The following ARL6IP1 variants were observed in gnomAD, a reference collection of about 807,000 sequenced individuals.
ARL6IP1 encodes ARL6 interacting reticulophagy regulator 1, also known as ADP-ribosylation factor-like protein 6-interacting protein 1.
In ARL6IP1, 16 loss-of-function variants were observed where a neutral mutation model predicts 30.1. The observed-to-expected ratio is 0.53, with a 90% confidence interval of 0.36 to 0.81. The LOEUF (loss-of-function observed/expected upper bound fraction) is 0.81, where lower values mean the gene tolerates loss of function less well. Ranked by LOEUF, ARL6IP1 falls within the 30% of genes least tolerant of loss-of-function variation. The pLI is 0.01. For missense variants in ARL6IP1, 173 were observed against 242.7 expected, an observed-to-expected ratio of 0.71 and a Z score of 1.91; for synonymous variants, 72 against 84.8, an observed-to-expected ratio of 0.85 and a Z score of 0.83.
chr16:18,799,971 C>G (rs975315731), intron 1 of ARL6IP1, among the ~76,000 whole-genome samples: 1 of 152,016 alleles, frequency 6.6e-6, no homozygotes, highest in African/African-American at 2.4e-5. Flanking sequence ...CTTGGCGGGT[C>G]GGGGGGGATT....
intron 1 of ARL6IP1, among the ~76,000 whole-genome samples, chr16:18,800,527 T>C (rs778070190): frequency 6.6e-6 from 1 of 152,312 alleles, no homozygotes; most frequent in African/African-American, 2.4e-5. Context: ...AAACCATGCA[T>C]TTCTAAAAGC....
Position 18,793,346 on chromosome 16 carries a change from C to A in ARL6IP1, c.518G>T (p.Gly173Val). The change falls in exon 6 of 6, where the codon GGA (glycine) becomes GTA (valine). Residue 173 changes from glycine to valine, a missense_variant. Transcript: ENST00000304414. ...CAAAATGATTCCATGTTGGTTTAGT[C>A]CAGGAAGCAATAGTAAGGAAGTCAC... is the stretch of plus-strand genomic sequence containing the variant. ...LIVTSLLLLPGLNQHGIILKY... is the reference protein window; with the variant it reads ...LIVTSLLLLPVLNQHGIILKY... The A allele has an allele frequency of 6.2e-7, 1 of 1,610,748 alleles. No individual in the cohort carries two copies. The highest frequency in any genetic ancestry group is 8.5e-7 in the Non-Finnish European group (1 of 1,178,608).
At chr16:18,801,064 G>T in intron 1 of ARL6IP1, 1 of 664,290 alleles carries the variant, frequency 1.5e-6, no homozygotes, top group Non-Finnish European at 2.0e-6. Context: ...TAAGATCAAA[G>T]ACGGGGAAAG....
At chr16:18,795,649 C>A in intron 3 of ARL6IP1, 68 bp from the exon 4 acceptor site, 1 of 962,144 alleles carries the variant, frequency 1.0e-6, no homozygotes, top group South Asian at 1.4e-5. Flanking sequence ...ACACCCTGTT[C>A]AATTTAAGAG....
intron 5 of ARL6IP1, among the ~76,000 whole-genome samples, chr16:18,793,863 T>G (rs899742532): frequency 6.6e-6 from 1 of 152,192 alleles, no homozygotes; most frequent in Admixed American, 6.5e-5. Context: ...TACAGGTGCC[T>G]GCCGCCACGC....
intron 1 of ARL6IP1, among the ~76,000 whole-genome samples, chr16:18,799,106 G>C (rs1280144927): frequency 1.3e-5 from 2 of 150,812 alleles, no homozygotes; most frequent in Non-Finnish European, 3.0e-5. Context: ...TGCAGCCTCC[G>C]CCTCCTGGGT....
At position 18,797,381 on chromosome 16, in the gene ARL6IP1, CAAAAA is replaced by C. The variant is rs58429351; in HGVS notation, c.290+539_290+543del. 9.7e-5 allele frequency among the ~76,000 whole-genome samples: 8 copies of C among 82,716 alleles called. No homozygotes were observed. In the South Asian group the frequency reaches 2.1e-3, roughly 22 times the overall value. The allele number at this position is 82,716 out of a possible 152,430, so 54.3% of individuals were successfully genotyped here. A position where few individuals can be genotyped will look rare whatever the true frequency, so the allele number is the denominator to read the frequency against. On this transcript the variant is annotated intron_variant, in intron 3 of 5. Coordinates refer to ENST00000304414, the MANE Select transcript of ARL6IP1 (RefSeq NM_015161.3). ...TGGGCAACAGAGCGAGCCTCCATCT[CAAAAA>C]AAAAAAAAAAAAAGAGAATGGTATA...
At chr16:18,801,392 C>T (rs1270020862) in intron 1 of ARL6IP1, 39 bp downstream of exon 1, 4 of 1,609,936 alleles carry the variant, frequency 2.5e-6, no homozygotes, top group Non-Finnish European at 3.4e-6. Context: ...CGTCTGGAGG[C>T]CTCGCTCGGC....
At chr16:18,797,311 G>A (rs2141871815) in intron 3 of ARL6IP1, among the ~76,000 whole-genome samples, 1 of 151,700 alleles carries the variant, frequency 6.6e-6, no homozygotes, top group South Asian at 2.1e-4. Context: ...CATGAACCTG[G>A]GAGGTGGAGC....
At position 18,797,433 on chromosome 16, in the gene ARL6IP1, G is replaced by A. The variant is rs2030275945; in HGVS notation, c.290+492C>T. Among the ~76,000 whole-genome samples, 3 of 151,330 alleles carry A rather than the reference G, an allele frequency of 2.0e-5. No individual in the cohort carries two copies. The South Asian group carries it at 6.3e-4, about 32-fold the overall frequency. On this transcript the variant is annotated intron_variant, in intron 3 of 5. Coordinates refer to ENST00000304414, the MANE Select transcript of ARL6IP1 (RefSeq NM_015161.3). ...TATAAATAAAATCAGCAACCCATGTGTATACAGCTTGAACCTCTTCGGAAA... is the reference window on the plus strand; with the variant it reads ...TATAAATAAAATCAGCAACCCATGTATATACAGCTTGAACCTCTTCGGAAA...
chr16:18,798,222 G>T, intron 2 of ARL6IP1, 178 bp from the exon 3 acceptor site: 1 of 562,126 alleles, frequency 1.8e-6, no homozygotes, highest in Non-Finnish European at 3.1e-6. Flanking sequence ...TATCATAGCT[G>T]CAGTGGTTAA....
At position 18,798,804 on chromosome 16, in the gene ARL6IP1, G is replaced by C. The variant is rs1018146035; in HGVS notation, c.67C>G (p.Leu23Val). 5.6e-6 allele frequency: 9 copies of C among 1,614,032 alleles called. No individual in the cohort carries two copies. The African/African-American group carries it at 1.2e-4, about 22-fold the overall frequency. The part of the protein sequence containing the change: ...AAETASLEEQ[L>V]QGWGEVMLMA... ...AGCATCACTTCTCCCCATCCTTGCA[G>C]CTGTTCTTCCAGACTTGCAGTCTCT... Residue 23 changes from leucine to valine, a missense_variant, in exon 2 of 6, where the codon CTG (leucine) becomes GTG (valine). Transcript: ENST00000304414.
At position 18,791,827 on chromosome 16, in the gene ARL6IP1, A is replaced by G. The variant is rs2030077835; in HGVS notation, c.*1425T>C. 1 of 152,614 alleles carries G rather than the reference A, an allele frequency of 6.6e-6. No individual in the cohort carries two copies. Among genetic ancestry groups the G allele is most frequent in the Non-Finnish European group, 1.5e-5 (1 of 68,048 alleles). 9.5% of individuals were successfully genotyped at this position (152,614 alleles called of 1,614,324 possible). A position where few individuals can be genotyped will look rare whatever the true frequency, so the allele number is the denominator to read the frequency against. ...CTTATTTACAATGAAAGTAAGGTAA[A>G]ATTAACGTAGTTTTCTTATGAAATA... On this transcript the variant is annotated 3_prime_UTR_variant, in exon 6 of 6. Coordinates refer to ENST00000304414, the MANE Select transcript of ARL6IP1 (RefSeq NM_015161.3).
rs1596942228 is a variant in ARL6IP1 at position 18,792,147 on chromosome 16, A to C, written c.*1105T>G. The C allele has an allele frequency of 6.6e-6, 1 of 152,222 alleles. No homozygotes were observed. Among genetic ancestry groups the C allele is most frequent in the East Asian group, 1.9e-4 (1 of 5,200 alleles). 9.4% of individuals were successfully genotyped at this position (152,222 alleles called of 1,614,324 possible). ...TTCCAAGGAGTTATGAAATCTTTGT[A>C]GACCAGAGGCCAACTATCATCACCT... On this transcript the variant is annotated 3_prime_UTR_variant, in exon 6 of 6. Coordinates refer to ENST00000304414, the MANE Select transcript of ARL6IP1 (RefSeq NM_015161.3).
In ARL6IP1 at chr16:18,794,700, GAATTTA is replaced by G. The variant is rs1194347455; in HGVS notation, c.409-23_409-18del. On this transcript the variant is annotated intron_variant, in intron 4 of 5. Coordinates refer to ENST00000304414, the MANE Select transcript of ARL6IP1 (RefSeq NM_015161.3). ...CATGAAGTACTAGCAATGAAAACAA[GAATTTA>G]ATATCAAAACTTCATGTGACACCAT... 6.3e-7 allele frequency: 1 copy of G among 1,592,698 alleles called. No individual in the cohort carries two copies. The highest frequency in any genetic ancestry group is 1.1e-5 in the South Asian group (1 of 89,292).
chr16:18,801,244 C>T (rs1596950951), intron 1 of ARL6IP1, 187 bp downstream of exon 1: 2 of 1,426,732 alleles, frequency 1.4e-6, no homozygotes, highest in East Asian at 2.6e-5. Context: ...CGCGCACCGT[C>T]CCCAGGAAAG....
intron 3 of ARL6IP1, among the ~76,000 whole-genome samples, chr16:18,796,450 G>A (rs1038758951): frequency 6.6e-6 from 1 of 152,210 alleles, no homozygotes; most frequent in Non-Finnish European, 1.5e-5. Flanking sequence ...CTATGCAAAA[G>A]AGTATTCTTT....
chr16:18,798,883 T>A, intron 1 of ARL6IP1, 49 bp from the exon 2 acceptor site: 1 of 1,562,470 alleles, frequency 6.4e-7, no homozygotes, highest in Non-Finnish European at 8.7e-7. Context: ...TCTCAACATT[T>A]TTGTGGTTCA....
At chr16:18,800,579 G>A (rs1386442085) in intron 1 of ARL6IP1, among the ~76,000 whole-genome samples, 1 of 152,184 alleles carries the variant, frequency 6.6e-6, no homozygotes, top group Non-Finnish European at 1.5e-5. Context: ...CTGAAGTCAC[G>A]TCATTGGCCA....
Sources: gnomAD v4.1 joint callset for allele counts (sites outside exome capture counted in the v4.1 genomes callset) on GRCh38, gnomAD v4.1.1 for gene constraint, MANE v1.5 for transcripts, NCBI Gene and HGNC (gene_info 2026-07-23, HGNC 2026-07-21) for gene names.